ACP3: variants seen among roughly 807,000 people sequenced by gnomAD.
The protein encoded by ACP3 is prostatic acid phosphatase.
ACP3 carries 38 observed loss-of-function variants against 45.6 expected under a neutral mutation model. The ratio of observed to expected loss-of-function variants is 0.83; its 90% confidence interval spans 0.64 to 1.09. ACP3 has a LOEUF of 1.09. Ranked by LOEUF, ACP3 falls within the 50% of genes least tolerant of loss-of-function variation. ACP3 has a pLI of 0.00. For missense variants in ACP3, 466 were observed against 463.2 expected (o/e 1.01, Z -0.05); for synonymous variants, 162 against 164.7 (o/e 0.98, Z 0.13).
intron 2 of ACP3, among the ~76,000 whole-genome samples, chr3:132,330,407 C>T (rs973380347): frequency 5.3e-5 from 8 of 152,122 alleles, no homozygotes; most frequent in Non-Finnish European, 1.0e-4. Context: ...GGGAACTTCT[C>T]AGTAATGTAA....
chr3:132,336,419 A>T (rs1448557070), intron 4 of ACP3, among the ~76,000 whole-genome samples: 1 of 151,984 alleles, frequency 6.6e-6, no homozygotes, highest in African/African-American at 2.4e-5. Context: ...CTATGAAGAT[A>T]AAAAAAAGCG....
chr3:132,319,805 C>T (rs1937172087), intron 1 of ACP3, among the ~76,000 whole-genome samples: 1 of 152,140 alleles, frequency 6.6e-6, no homozygotes, highest in Non-Finnish European at 1.5e-5. Context: ...TATAACCCAG[C>T]ACATGGAGCT....
At chr3:132,328,733 T>C (rs1258552703) in intron 2 of ACP3, among the ~76,000 whole-genome samples, 1 of 144,430 alleles carries the variant, frequency 6.9e-6, no homozygotes, top group East Asian at 2.1e-4. Flanking sequence ...GGGAAATGTA[T>C]ATAGAATTGT....
At position 132,357,164 on chromosome 3, in the gene ACP3, A is replaced by G; in HGVS notation, c.*286A>G. The G allele has an allele frequency of 1.8e-6, 2 of 1,110,532 alleles. No homozygotes were observed. The highest frequency in any genetic ancestry group is 5.9e-5 in the South Asian group (2 of 33,996). The allele number at this position is 1,110,532 out of a possible 1,614,324, so 68.8% of individuals were successfully genotyped here. ...ATAAAGCTTAGGTCAAAGTTCATAG[A>G]GTTCCCATGAACTATATGACTGGCC... On this transcript the variant is annotated 3_prime_UTR_variant, in exon 10 of 10. Transcript: ENST00000336375.
rs1187888033 is a variant in ACP3, at chr3:132,344,964, A to G, written c.686A>G (p.Glu229Gly). The change falls in exon 7 of 10, where the codon GAG becomes GGG. Residue 229 changes from glutamate (E) to glycine (G), a missense_variant. Transcript: ENST00000336375. ...HNFTLPSWAT[E>G]DTMTKLRELS... ...TTCACTTTACCCTCCTGGGCCACTGAGGACACCATGACTAAGTTGAGAGAA... is the reference window on the plus strand; with the variant it reads ...TTCACTTTACCCTCCTGGGCCACTGGGGACACCATGACTAAGTTGAGAGAA... 2 of 1,613,792 alleles carry G rather than the reference A, an allele frequency of 1.2e-6. No individual in the cohort carries two copies. Among genetic ancestry groups the G allele is most frequent in the Admixed American group, 1.7e-5 (1 of 59,988 alleles).
chr3:132,322,541 A>G (rs1337073054), intron 1 of ACP3, among the ~76,000 whole-genome samples: 2 of 152,350 alleles, frequency 1.3e-5, no homozygotes, highest in East Asian at 3.9e-4. Context: ...ATAAAATAAT[A>G]AGAAGAATTT....
chr3:132,334,663 G>A (rs1937460513), intron 4 of ACP3, among the ~76,000 whole-genome samples: 1 of 152,146 alleles, frequency 6.6e-6, no homozygotes. Flanking sequence ...GACCATGAGT[G>A]AATATGTAGA....
chr3:132,340,561 T>C (rs1937542703), intron 5 of ACP3, among the ~76,000 whole-genome samples: 1 of 152,202 alleles, frequency 6.6e-6, no homozygotes, highest in Non-Finnish European at 1.5e-5. Flanking sequence ...CTCATTTATA[T>C]ATTGAATTCA....
chr3:132,336,743 A>G (rs73215917), intron 4 of ACP3, among the ~76,000 whole-genome samples: 16,862 of 151,536 alleles, frequency 0.11, 1,150 homozygotes, highest in Non-Finnish European at 0.15. Context: ...AATTTGAGGG[A>G]AAAAAAATGC....
In ACP3 at chr3:132,341,385, A is replaced by G. The variant is rs1394580097; in HGVS notation, c.556-1167A>G. ...GATTGTTTTAACATTTTTTAATACA[A>G]TCAAATTATTTTTCTCCTTGGATTA... On this transcript the variant is annotated intron_variant, in intron 5 of 9. Coordinates refer to ENST00000336375, the MANE Select transcript of ACP3 (RefSeq NM_001099.5). 2.6e-5 allele frequency among the ~76,000 whole-genome samples: 4 copies of G among 152,224 alleles called. No individual in the cohort carries two copies. The East Asian group carries it at 7.7e-4, about 29-fold the overall frequency.
intron 7 of ACP3, among the ~76,000 whole-genome samples, chr3:132,349,578 C>T (rs1455910994): frequency 6.6e-6 from 1 of 152,164 alleles, no homozygotes; most frequent in Non-Finnish European, 1.5e-5. Flanking sequence ...TCCTTCCAAG[C>T]TTATCAGCCT....
At chr3:132,336,709 A>C (rs925601222) in intron 4 of ACP3, among the ~76,000 whole-genome samples, 11 of 152,094 alleles carry the variant, frequency 7.2e-5, no homozygotes, top group Non-Finnish European at 1.5e-4. Context: ...TGTAACATGT[A>C]CAAGTTTAGC....
intron 1 of ACP3, among the ~76,000 whole-genome samples, chr3:132,322,581 C>A (rs1363120080): frequency 6.6e-6 from 1 of 152,192 alleles, no homozygotes; most frequent in Non-Finnish European, 1.5e-5. Flanking sequence ...CCTTTTAGGA[C>A]TTCCAGAATC....
chr3:132,348,497 A>G (rs1228437240), intron 7 of ACP3, among the ~76,000 whole-genome samples: 2 of 152,172 alleles, frequency 1.3e-5, no homozygotes, highest in African/African-American at 4.8e-5. Context: ...TAAGGGTGTA[A>G]TCATACCAGA....
intron 7 of ACP3, 58 bp from the exon 8 acceptor site, chr3:132,349,862 G>T: frequency 1.6e-6 from 2 of 1,251,854 alleles, no homozygotes; most frequent in Admixed American, 1.7e-5. Flanking sequence ...AAAAGCTAAT[G>T]AACTAAAATA....
intron 8 of ACP3, among the ~76,000 whole-genome samples, chr3:132,350,560 T>G (rs1170276102): frequency 6.6e-6 from 1 of 152,228 alleles, no homozygotes; most frequent in Non-Finnish European, 1.5e-5. Context: ...GTCCCTCGGT[T>G]GTATTAGCCA....
intron 8 of ACP3, 119 bp from the exon 9 acceptor site, chr3:132,352,601 T>A: frequency 1.4e-6 from 1 of 703,304 alleles, no homozygotes; most frequent in Non-Finnish European, 2.5e-6. Context: ...ACTTATTAAG[T>A]CATTGTGGGC....
At chr3:132,347,537 C>A (rs1184317904) in intron 7 of ACP3, among the ~76,000 whole-genome samples, 1 of 152,044 alleles carries the variant, frequency 6.6e-6, no homozygotes, top group African/African-American at 2.4e-5. Flanking sequence ...TGGAGTGCAG[C>A]AGCATGATCA....
At chr3:132,359,386 T>C (rs545424327), downstream of ACP3, among the ~76,000 whole-genome samples, 52 of 152,162 alleles carry the variant, frequency 3.4e-4, no homozygotes, top group African/African-American at 1.1e-3. Flanking sequence ...CGGGCACCTG[T>C]AGTCCCAGCT....
Sources: gnomAD v4.1 joint callset for allele counts (sites outside exome capture counted in the v4.1 genomes callset) on GRCh38, gnomAD v4.1.1 for gene constraint, MANE v1.5 for transcripts, NCBI Gene and HGNC (gene_info 2026-07-23, HGNC 2026-07-21) for gene names.